ERCC4: variants seen among roughly 807,000 people sequenced by gnomAD.
ERCC4 encodes the protein DNA repair endonuclease XPF.
ERCC4 carries 65 observed loss-of-function variants against 76.9 expected under a neutral mutation model. The observed-to-expected ratio is 0.84, with a 90% CI of 0.69 to 1.04. The LOEUF is 1.04. Ranked by LOEUF, ERCC4 falls within the 50% of genes least tolerant of loss-of-function variation. The pLI is 0.00. For missense variants in ERCC4, 1,214 were observed against 1,128.2 expected (o/e 1.08, Z -1.09); for synonymous variants, 463 against 410.1 (o/e 1.13, Z -1.56).
intron 5 of ERCC4, chr16:13,931,922 A>T (rs2032179646): frequency 2.0e-6 from 1 of 507,840 alleles, no homozygotes; most frequent in Non-Finnish European, 3.5e-6. Context: ...TTACGAGAAA[A>T]GTTCTGACAT....
At chr16:13,924,803 G>A (rs2032042923) in intron 2 of ERCC4, among the ~76,000 whole-genome samples, 1 of 152,286 alleles carries the variant, frequency 6.6e-6, no homozygotes, top group East Asian at 1.9e-4. Flanking sequence ...ATCTCTGCCT[G>A]TTGGTGTTAC....
rs2141607987 is a variant in ERCC4 at position 13,935,630 on chromosome 16, G to A, written c.1698G>A (p.Leu566=). 2 of 1,614,062 alleles carry A rather than the reference G, an allele frequency of 1.2e-6. No homozygotes were observed. The highest frequency in any genetic ancestry group is 1.7e-6 in the Non-Finnish European group (2 of 1,179,972). Residue 566 remains leucine (L), a synonymous_variant, in exon 8 of 11, where the codon CTG becomes CTA. Coordinates refer to ENST00000311895, the MANE Select transcript of ERCC4 (RefSeq NM_005236.3). ...TGGGTTGCAGCGACCCCTATGCTCT[G>A]ACAAGGGTACTACATGAAGTGGAGC... ...PLLGCSDPYA[L]TRVLHEVEPR... is the part of the protein sequence containing the mutation.
chr16:13,932,407 A>G (rs2032191047), intron 6 of ERCC4, 122 bp downstream of exon 6: 3 of 861,684 alleles, frequency 3.5e-6, no homozygotes, highest in Non-Finnish European at 3.7e-6. Flanking sequence ...AGATAAATGT[A>G]TGTATGTTTG....
intron 9 of ERCC4, among the ~76,000 whole-genome samples, chr16:13,941,238 T>A (rs1433118491): frequency 6.6e-6 from 1 of 152,194 alleles, no homozygotes; most frequent in East Asian, 1.9e-4. Context: ...CATAATTTTA[T>A]CTGTTATCTG....
At chr16:13,922,348 A>AG in intron 2 of ERCC4, 137 bp downstream of exon 2, 1 of 780,500 alleles carries the variant, frequency 1.3e-6, no homozygotes, top group South Asian at 1.4e-5. Flanking sequence ...CACCTTTGGT[A>AG]GGGGTCGTGG....
In ERCC4 at chr16:13,922,231, T is replaced by C. The variant is rs768649885; in HGVS notation, c.388+20T>C. 3 of 1,489,976 alleles carry C rather than the reference T, an allele frequency of 2.0e-6. No individual in the cohort carries two copies. The highest frequency in any genetic ancestry group is 1.4e-5 in the African/African-American group (1 of 71,920). 92.3% of individuals were successfully genotyped at this position (1,489,976 alleles called of 1,614,324 possible). A position where few individuals can be genotyped will look rare whatever the true frequency, so the allele number is the denominator to read the frequency against. On this transcript the variant is annotated intron_variant, in intron 2 of 10. Transcript: ENST00000311895. ...TTACTGGTAAGAATTTGAAATCTTA[T>C]TATTAGTATGTAAATTTGTACTTTT... is the stretch of plus-strand genomic sequence containing the variant.
chr16:13,945,791 C>T (rs3136211), intron 10 of ERCC4, among the ~76,000 whole-genome samples: 2 of 151,986 alleles, frequency 1.3e-5, no homozygotes, highest in Admixed American at 6.6e-5. Flanking sequence ...TCATGAAGAA[C>T]GACAGAATGT....
intron 2 of ERCC4, chr16:13,922,674 T>G (rs2032001800): frequency 6.5e-6 from 3 of 460,500 alleles, no homozygotes; most frequent in Non-Finnish European, 1.2e-5. Context: ...TTCTTTTCTT[T>G]GTCATCTTGG....
rs750308239 is a variant in ERCC4, at chr16:13,948,669, C to A, written c.*322C>A. 7 of 348,504 alleles carry A rather than the reference C, an allele frequency of 2.0e-5. No homozygotes were observed. Among genetic ancestry groups the A allele is most frequent in the African/African-American group, 1.4e-4 (7 of 48,982 alleles). 21.6% of individuals were successfully genotyped at this position (348,504 alleles called of 1,614,324 possible). On this transcript the variant is annotated 3_prime_UTR_variant, in exon 11 of 11. Coordinates refer to ENST00000311895, the MANE Select transcript of ERCC4 (RefSeq NM_005236.3). ...GAAACTTTACCTGATCCTAACAGATCTCATTTAGAAAGGAATATGCTAAGC... is the reference window on the plus strand; with the variant it reads ...GAAACTTTACCTGATCCTAACAGATATCATTTAGAAAGGAATATGCTAAGC...
At chr16:13,938,698 G>A (rs2032353841) in intron 9 of ERCC4, among the ~76,000 whole-genome samples, 1 of 152,210 alleles carries the variant, frequency 6.6e-6, no homozygotes, top group African/African-American at 2.4e-5. Flanking sequence ...CCAAGCCTCA[G>A]ACATTGGCAA....
chr16:13,928,691 G>C (rs955964092), intron 4 of ERCC4, among the ~76,000 whole-genome samples: 4 of 151,922 alleles, frequency 2.6e-5, no homozygotes, highest in Non-Finnish European at 4.4e-5. Context: ...TTGAGGAAAT[G>C]GTAAGACATC....
chr16:13,920,600 C>T (rs1404150249), intron 1 of ERCC4, among the ~76,000 whole-genome samples: 3 of 151,770 alleles, frequency 2.0e-5, no homozygotes, highest in Non-Finnish European at 4.4e-5. Context: ...ACCGGTCGCT[C>T]ACACCGTGCG....
At position 13,937,891 on chromosome 16, in the gene ERCC4, A is replaced by G. The variant is rs773189048; in HGVS notation, c.1904+33A>G. The G allele has an allele frequency of 3.0e-6, 4 of 1,341,420 alleles. No homozygotes were observed. In the East Asian group the frequency reaches 6.9e-5, roughly 23 times the overall value. The allele number at this position is 1,341,420 out of a possible 1,614,324, so 83.1% of individuals were successfully genotyped here. A position where few individuals can be genotyped will look rare whatever the true frequency, so the allele number is the denominator to read the frequency against. The stretch of plus-strand genomic sequence containing the variant: ...ATAGAAAATCAGTATGAAAGCCCCA[A>G]CTACATTGGAAACCTCTGGATGGGG... On this transcript the variant is annotated intron_variant, in intron 9 of 10. Transcript: ENST00000311895.
chr16:13,921,367 C>T (rs1321760376), intron 1 of ERCC4, among the ~76,000 whole-genome samples: 3 of 152,098 alleles, frequency 2.0e-5, no homozygotes, highest in Non-Finnish European at 2.9e-5. Context: ...TGAGAGGGGA[C>T]ACAGCTTGGT....
chr16:13,922,128 C>A lies in ERCC4; in HGVS notation c.305C>A (p.Thr102Lys), dbSNP rs144408815. 39 of 1,613,506 alleles carry A rather than the reference C, an allele frequency of 2.4e-5. No homozygotes were observed. The highest frequency in any genetic ancestry group is 3.1e-5 in the Non-Finnish European group (37 of 1,179,452). ...ITSNSRYEVY[T>K]QGGVIFATSR... ...AGCAACAGTCGCTATGAAGTTTACACACAAGGTGGTGTTATATTTGCGACA... is the reference window on the plus strand; with the variant it reads ...AGCAACAGTCGCTATGAAGTTTACAAACAAGGTGGTGTTATATTTGCGACA... Residue 102 changes from threonine to lysine, a missense_variant, in exon 2 of 11, where the codon ACA becomes AAA. Physicochemically the swap from Thr to Lys is moderately conservative, Grantham distance 78 (BLOSUM62 -1). Transcript: ENST00000311895.
chr16:13,923,463 A>G (rs185975565), intron 2 of ERCC4, among the ~76,000 whole-genome samples: 106 of 152,324 alleles, frequency 7.0e-4, no homozygotes, highest in Admixed American at 2.4e-3. Flanking sequence ...CTGAACCTAG[A>G]TGACCCTCAA....
rs2032626668 is a variant in ERCC4, at chr16:13,951,363, GT to G, written c.*3022del. ...AGATCAGCATTTTTCTATTTTACAA[GT>G]TTTTTGTATAAAAAGGTGAACATAT... On this transcript the variant is annotated 3_prime_UTR_variant, in exon 11 of 11. Coordinates refer to ENST00000311895, the MANE Select transcript of ERCC4 (RefSeq NM_005236.3). The G allele has an allele frequency of 5.1e-6, 1 of 196,326 alleles. No homozygotes were observed. The highest frequency in any genetic ancestry group is 2.3e-5 in the African/African-American group (1 of 43,348). The allele number at this position is 196,326 out of a possible 1,614,324, so 12.2% of individuals were successfully genotyped here.
chr16:13,932,355 AT>A (rs2032190177), intron 6 of ERCC4, 70 bp downstream of exon 6: 3 of 1,406,700 alleles, frequency 2.1e-6, no homozygotes, highest in Non-Finnish European at 3.0e-6. Flanking sequence ...TTAAAGTGCA[AT>A]TTAAAGTCTT....
rs2032585228 is a variant in ERCC4, at chr16:13,949,270, G to C, written c.*923G>C. The C allele has an allele frequency of 1.7e-5, 4 of 233,424 alleles. No homozygotes were observed. The highest frequency in any genetic ancestry group is 3.4e-5 in the Non-Finnish European group (4 of 118,266). The allele number at this position is 233,424 out of a possible 1,614,324, so 14.5% of individuals were successfully genotyped here. On this transcript the variant is annotated 3_prime_UTR_variant, in exon 11 of 11. Transcript: ENST00000311895. ...GCTGGCTAGTTACAGAGTTTTTTCA[G>C]ACTTCCTCGTTTCTCAGCTCTTATA...
Sources: gnomAD v4.1 joint callset for allele counts (sites outside exome capture counted in the v4.1 genomes callset) on GRCh38, gnomAD v4.1.1 for gene constraint, MANE v1.5 for transcripts, NCBI Gene and HGNC (gene_info 2026-07-23, HGNC 2026-07-21) for gene names.